The following DOCK4 variants were observed in gnomAD, a reference collection of about 807,000 sequenced individuals.
DOCK4 encodes dedicator of cytokinesis 4.
A neutral mutation model predicts 268.1 loss-of-function variants in DOCK4; 97 were observed. The observed-to-expected ratio is 0.36, with a 90% confidence interval of 0.31 to 0.43. DOCK4 has a LOEUF of 0.43. DOCK4 is among the 20% of genes least tolerant of loss of function. The pLI is 1.00. For synonymous variants in DOCK4, 954 were observed against 887.2 expected (o/e 1.08, Z -1.34); for missense variants, 2,145 against 2,455.7 (o/e 0.87, Z 2.67).
intron 8 of DOCK4, among the ~76,000 whole-genome samples, chr7:111,955,161 T>G (rs1316204660): frequency 6.6e-6 from 1 of 152,124 alleles, no homozygotes; most frequent in South Asian, 2.1e-4. Context: ...AATGACAGAG[T>G]TTTTCCTTGG....
At chr7:112,006,666 C>G (rs1304358717) in intron 1 of DOCK4, among the ~76,000 whole-genome samples, 1 of 152,198 alleles carries the variant, frequency 6.6e-6, no homozygotes, top group African/African-American at 2.4e-5. Context: ...CCCTGCCAGT[C>G]GCAAATTCTG....
In DOCK4 at chr7:111,767,127, A is replaced by T; in HGVS notation, c.3829-9T>A. On this transcript the variant is annotated splice_polypyrimidine_tract_variant and intron_variant, in intron 37 of 52. Transcript: ENST00000428084. ...ATGCCATTCTCCCAACACTGTGGAC[A>T]AATGAATGAGATCAATGGAACCATC... 6.2e-7 allele frequency: 1 copy of T among 1,610,894 alleles called. No homozygotes were observed. Among genetic ancestry groups the T allele is most frequent in the Non-Finnish European group, 8.5e-7 (1 of 1,177,556 alleles).
rs548788535 is a variant in DOCK4, at chr7:111,969,434, AAAAAAAC to A, written c.701+7691_701+7697del. On this transcript the variant is annotated intron_variant, in intron 8 of 52. Coordinates refer to ENST00000428084, the MANE Select transcript of DOCK4 (RefSeq NM_001363540.2). ...AAAAAATAAACTCATTTTTTCTATT[AAAAAAAC>A]AAAAAAACAAAAAAACAGTGATTTG... 2.6e-3 allele frequency among the ~76,000 whole-genome samples: 343 copies of A among 130,262 alleles called. 2 individuals carry two copies. The highest frequency in any genetic ancestry group is 0.012 in the African/African-American group (332 of 27,420). The allele number at this position is 130,262 out of a possible 152,430, so 85.5% of individuals were successfully genotyped here. A position where few individuals can be genotyped will look rare whatever the true frequency, so the allele number is the denominator to read the frequency against.
In DOCK4 at chr7:111,927,853, C is replaced by T. The variant is rs541369178; in HGVS notation, c.1066+7687G>A. 5.9e-5 allele frequency among the ~76,000 whole-genome samples: 9 copies of T among 152,204 alleles called. No individual in the cohort carries two copies. In the East Asian group the frequency reaches 1.7e-3, roughly 29 times the overall value. ...AGGAAGGTCTCTCGGACCTTCCCTG[C>T]CATTCTCCCCTGAGCAGGTCATAAG... is the stretch of plus-strand genomic sequence containing the variant. On this transcript the variant is annotated intron_variant, in intron 12 of 52. Transcript: ENST00000428084.
intron 1 of DOCK4, among the ~76,000 whole-genome samples, chr7:112,073,830 C>T (rs1008627574): frequency 6.6e-6 from 1 of 151,952 alleles, no homozygotes; most frequent in Non-Finnish European, 1.5e-5. Context: ...GAGAAATGAG[C>T]TCTAGTATTC....
chr7:111,783,036 A>G (rs1798896598), intron 34 of DOCK4, 112 bp from the exon 35 acceptor site: 1 of 1,012,972 alleles, frequency 9.9e-7, no homozygotes, highest in Non-Finnish European at 1.5e-6. Flanking sequence ...AAAAAAAAGA[A>G]GCCACTTTTA....
intron 1 of DOCK4, among the ~76,000 whole-genome samples, chr7:112,076,912 A>G (rs1232564750): frequency 6.6e-6 from 1 of 152,072 alleles, no homozygotes; most frequent in Non-Finnish European, 1.5e-5. Context: ...TATATTTTCC[A>G]ATAGCATAAA....
intron 13 of DOCK4, among the ~76,000 whole-genome samples, chr7:111,906,438 A>T (rs1407943884): frequency 1.3e-5 from 2 of 152,174 alleles, no homozygotes; most frequent in East Asian, 3.9e-4. Context: ...AAATGTGATG[A>T]TGTGTTCTTG....
intron 1 of DOCK4, among the ~76,000 whole-genome samples, chr7:112,080,394 A>T (rs980722049): frequency 3.3e-5 from 5 of 152,204 alleles, no homozygotes; most frequent in African/African-American, 1.2e-4. Context: ...ACAAAACTCA[A>T]GTAATTTAAA....
At chr7:111,940,431 C>T (rs1254258726) in intron 10 of DOCK4, among the ~76,000 whole-genome samples, 189 bp from the exon 11 acceptor site, 1 of 152,144 alleles carries the variant, frequency 6.6e-6, no homozygotes, top group Admixed American at 6.5e-5. Flanking sequence ...GCTGTGTGAC[C>T]TTGGGTAAGC....
intron 26 of DOCK4, among the ~76,000 whole-genome samples, chr7:111,822,778 T>G (rs1437359869): frequency 6.6e-6 from 1 of 152,242 alleles, no homozygotes; most frequent in Non-Finnish European, 1.5e-5. Context: ...ATACATTCCC[T>G]TTCTTCTATT....
chr7:111,772,986 C>T lies in DOCK4; in HGVS notation c.3680-3309G>A, dbSNP rs141831831. On this transcript the variant is annotated intron_variant, in intron 36 of 52. Transcript: ENST00000428084. Reference sequence around the variant, plus strand: ...GCAATCAGATGAAACTGACAAATGACTGAGCGATGGCATGGAAAAGATGTG... The same window carrying T: ...GCAATCAGATGAAACTGACAAATGATTGAGCGATGGCATGGAAAAGATGTG... 2.4e-3 allele frequency among the ~76,000 whole-genome samples: 372 copies of T among 152,256 alleles called. 3 individuals carry two copies. The highest frequency in any genetic ancestry group is 8.6e-3 in the African/African-American group (357 of 41,542).
At chr7:111,883,509 A>G (rs1184718510) in intron 16 of DOCK4, among the ~76,000 whole-genome samples, 1 of 152,066 alleles carries the variant, frequency 6.6e-6, no homozygotes, top group African/African-American at 2.4e-5. Context: ...CCCTGTAAAC[A>G]TATCTCTTAT....
At chr7:111,934,840 C>T (rs569774194) in intron 12 of DOCK4, among the ~76,000 whole-genome samples, 3 of 150,710 alleles carry the variant, frequency 2.0e-5, no homozygotes, top group South Asian at 2.1e-4. Flanking sequence ...CGCCCGGCCG[C>T]GAAGCATGTT....
At chr7:111,781,520 G>A (rs542398422) in intron 35 of DOCK4, among the ~76,000 whole-genome samples, 5 of 152,318 alleles carry the variant, frequency 3.3e-5, no homozygotes, top group South Asian at 2.1e-4. Context: ...GCAGGTTACC[G>A]TTGGGTCTAA....
intron 30 of DOCK4, among the ~76,000 whole-genome samples, chr7:111,797,641 A>G (rs921668993): frequency 2.0e-5 from 3 of 152,210 alleles, no homozygotes; most frequent in African/African-American, 7.2e-5. Context: ...TCCAGTAAAC[A>G]ACTCTGACTG....
At chr7:112,036,196 T>G (rs1243290348) in intron 1 of DOCK4, among the ~76,000 whole-genome samples, 1 of 151,774 alleles carries the variant, frequency 6.6e-6, no homozygotes, top group East Asian at 1.9e-4. Flanking sequence ...AAATAGCACA[T>G]CCATGAGTCT....
intron 15 of DOCK4, among the ~76,000 whole-genome samples, chr7:111,896,801 G>A (rs913409039): frequency 1.5e-4 from 23 of 152,086 alleles, no homozygotes; most frequent in African/African-American, 1.2e-4. Flanking sequence ...TGCAGAAAAC[G>A]GTAATTTTGT....
At chr7:111,894,419 T>C (rs907009252) in intron 16 of DOCK4, among the ~76,000 whole-genome samples, 23 of 152,102 alleles carry the variant, frequency 1.5e-4, no homozygotes, top group African/African-American at 5.3e-4. Flanking sequence ...TGGGGCAAGC[T>C]GAGGGATCAA....
Sources: allele counts gnomAD v4.1 joint callset (sites outside exome capture counted in the v4.1 genomes callset), GRCh38; gene constraint gnomAD v4.1.1; transcripts MANE v1.5; gene names NCBI Gene and HGNC (gene_info 2026-07-23, HGNC 2026-07-21).